MAPKAPK5: variants seen among roughly 807,000 people sequenced by gnomAD.
MAPKAPK5 encodes MAPK activated protein kinase 5.
Under a neutral mutation model 65.1 loss-of-function variants are expected in MAPKAPK5, and 30 were observed. That is an observed-to-expected ratio of 0.46 (90% confidence interval 0.34 to 0.63). MAPKAPK5 has a LOEUF of 0.63. Ranked by LOEUF, MAPKAPK5 falls within the 20% of genes least tolerant of loss-of-function variation. MAPKAPK5 has a pLI of 0.01. For synonymous variants in MAPKAPK5, 179 were observed against 204.6 expected (o/e 0.87, Z 1.07); for missense variants, 433 against 581.4 (o/e 0.74, Z 2.63).
At position 111,842,680 on chromosome 12, in the gene MAPKAPK5, G is replaced by A; in HGVS notation, c.-54G>A. ...CCCTTTGCTCCCTCGGCCGCGCGGG[G>A]ACAGGGCTGCTGAGCAGCCTCCGCC... On this transcript the variant is annotated 5_prime_UTR_variant, in exon 1 of 14. Transcript: ENST00000550735. The A allele has an allele frequency of 2.3e-6, 3 of 1,322,128 alleles. No homozygotes were observed. Among genetic ancestry groups the A allele is most frequent in the Admixed American group, 3.5e-5 (1 of 28,744 alleles). The allele number at this position is 1,322,128 out of a possible 1,614,324, so 81.9% of individuals were successfully genotyped here.
intron 1 of MAPKAPK5, among the ~76,000 whole-genome samples, chr12:111,856,268 GT>G (rs911984074): frequency 9.9e-5 from 15 of 151,590 alleles, no homozygotes; most frequent in South Asian, 4.2e-4. Flanking sequence ...AATTCATTTA[GT>G]TTTTTTTATG....
At position 111,901,357 on chromosome 12, in the gene MAPKAPK5, G is replaced by C. The variant is rs1351693899; in HGVS notation, c.*8296G>C. 2.0e-5 allele frequency: 9 copies of C among 455,984 alleles called. No individual in the cohort carries two copies. Among genetic ancestry groups the C allele is most frequent in the Non-Finnish European group, 3.5e-5 (8 of 226,818 alleles). 28.2% of individuals were successfully genotyped at this position (455,984 alleles called of 1,614,324 possible). ...CCTGACTGTGTTACTGCAGGAAGTG[G>C]AGGTAGTGTGGACAGTGGCCCTCCT... On this transcript the variant is annotated 3_prime_UTR_variant, in exon 14 of 14. Coordinates refer to ENST00000550735, the MANE Select transcript of MAPKAPK5 (RefSeq NM_003668.4).
intron 1 of MAPKAPK5, among the ~76,000 whole-genome samples, chr12:111,859,642 CTTTGCTTTTCTTTTT>C (rs2069362061): frequency 3.5e-5 from 5 of 141,986 alleles, no homozygotes; most frequent in Admixed American, 3.5e-4. Flanking sequence ...CTTTTCTTTT[CTTTGCTTTTCTTTTT>C]TTTTTTTTTG....
intron 13 of MAPKAPK5, among the ~76,000 whole-genome samples, chr12:111,890,718 C>T (rs550729741): frequency 3.9e-5 from 6 of 152,264 alleles, no homozygotes; most frequent in East Asian, 1.9e-4. Flanking sequence ...AGTGCAGTGG[C>T]GCAATCTTTG....
In MAPKAPK5 at chr12:111,900,540, C is replaced by T. The variant is rs752465022; in HGVS notation, c.*7479C>T. On this transcript the variant is annotated 3_prime_UTR_variant, in exon 14 of 14. Coordinates refer to ENST00000550735, the MANE Select transcript of MAPKAPK5 (RefSeq NM_003668.4). Reference sequence around the variant, plus strand: ...AGGGGCCTGCCTATTTAACAAGCCACGGCCCAGGGGCCGCAAGCGTAGGGA... The same window carrying T: ...AGGGGCCTGCCTATTTAACAAGCCATGGCCCAGGGGCCGCAAGCGTAGGGA... 1.8e-5 allele frequency: 8 copies of T among 456,010 alleles called. No individual in the cohort carries two copies. Among genetic ancestry groups the T allele is most frequent in the South Asian group, 4.6e-5 (3 of 64,566 alleles). The allele number at this position is 456,010 out of a possible 1,614,324, so 28.2% of individuals were successfully genotyped here. A position where few individuals can be genotyped will look rare whatever the true frequency, so the allele number is the denominator to read the frequency against.
intron 1 of MAPKAPK5, 192 bp downstream of exon 1, chr12:111,842,961 C>T: frequency 6.8e-6 from 3 of 438,308 alleles, no homozygotes; most frequent in Non-Finnish European, 1.2e-5. Context: ...GGTGTGTGTC[C>T]GACTCCCGCC....
chr12:111,875,926 C>T lies in MAPKAPK5; in HGVS notation c.580-4521C>T, dbSNP rs547257496. Among the ~76,000 whole-genome samples, 5 of 152,122 alleles carry T rather than the reference C, an allele frequency of 3.3e-5. No homozygotes were observed. The South Asian group carries it at 1.0e-3, about 32-fold the overall frequency. On this transcript the variant is annotated intron_variant, in intron 7 of 13. Transcript: ENST00000550735. ...TGATGGGTTCAAAAAAAGTGATGGGCCGGGCGCAGTGGCTTACCCCTGTAA... is the reference window on the plus strand; with the variant it reads ...TGATGGGTTCAAAAAAAGTGATGGGTCGGGCGCAGTGGCTTACCCCTGTAA...
chr12:111,880,520 A>C lies in MAPKAPK5; in HGVS notation c.653A>C (p.Tyr218Ser). 1 of 1,613,716 alleles carries C rather than the reference A, an allele frequency of 6.2e-7. No homozygotes were observed. Among genetic ancestry groups the C allele is most frequent in the Non-Finnish European group, 8.5e-7 (1 of 1,179,674 alleles). ...CCTACCTCACCGACGCCCTACACTT[A>C]CAACAAGGTACAGGAAGAGATATTT... ...IIPTSPTPYTYNKSCDLWSLG... is the reference protein window; with the variant it reads ...IIPTSPTPYTSNKSCDLWSLG... Residue 218 changes from tyrosine to serine, a missense_variant, in exon 8 of 14, where the codon TAC becomes TCC. Tyr to Ser is a moderately radical substitution (Grantham distance 144). This residue lies in a region of MAPKAPK5 where 99 missense variants were observed against 185.8 expected (regional missense o/e 0.53). Coordinates refer to ENST00000550735, the MANE Select transcript of MAPKAPK5 (RefSeq NM_003668.4).
Position 111,897,898 on chromosome 12 carries a change from T to TA in MAPKAPK5, c.*4843dup, listed in dbSNP as rs1013544809. The TA allele has an allele frequency of 2.0e-4, 31 of 151,920 alleles. No individual in the cohort carries two copies. The highest frequency in any genetic ancestry group is 5.9e-4 in the Admixed American group (9 of 15,186). 9.4% of individuals were successfully genotyped at this position (151,920 alleles called of 1,614,324 possible). A position where few individuals can be genotyped will look rare whatever the true frequency, so the allele number is the denominator to read the frequency against. On this transcript the variant is annotated 3_prime_UTR_variant, in exon 14 of 14. Transcript: ENST00000550735. ...TGACTTGCTGTAAAATTATACAAGA[T>TA]AAAAAATGTAGAGTTTTATTTTTCT...
In MAPKAPK5 at chr12:111,898,027, C is replaced by T. The variant is rs1208197027; in HGVS notation, c.*4966C>T. 1 of 151,908 alleles carries T rather than the reference C, an allele frequency of 6.6e-6. No homozygotes were observed. Among genetic ancestry groups the T allele is most frequent in the Non-Finnish European group, 1.5e-5 (1 of 67,990 alleles). 9.4% of individuals were successfully genotyped at this position (151,908 alleles called of 1,614,324 possible). The stretch of plus-strand genomic sequence containing the variant: ...TACACCAAGGAAATTGACATCAAAA[C>T]CAAATTCAAGGACTTCCACAGACAT... On this transcript the variant is annotated 3_prime_UTR_variant, in exon 14 of 14. Transcript: ENST00000550735.
chr12:111,842,733 T>C lies in MAPKAPK5; in HGVS notation c.-1T>C. On this transcript the variant is annotated 5_prime_UTR_variant, in exon 1 of 14. Transcript: ENST00000550735. ...TCCCGGCTGTGGGGGCCCCACTGAG[T>C]ATGTCGGAGGAGAGCGACATGGACA... The C allele has an allele frequency of 7.3e-7, 1 of 1,368,280 alleles. No individual in the cohort carries two copies. The highest frequency in any genetic ancestry group is 9.5e-7 in the Non-Finnish European group (1 of 1,054,836). The allele number at this position is 1,368,280 out of a possible 1,614,324, so 84.8% of individuals were successfully genotyped here.
At position 111,897,840 on chromosome 12, in the gene MAPKAPK5, C is replaced by G. The variant is rs2070873479; in HGVS notation, c.*4779C>G. Reference sequence around the variant, plus strand: ...ATTACATTCCTTTCTGTAGTCGTATCTCATATTTGAAAGGTCTCATGTTGT... The same window carrying G: ...ATTACATTCCTTTCTGTAGTCGTATGTCATATTTGAAAGGTCTCATGTTGT... On this transcript the variant is annotated 3_prime_UTR_variant, in exon 14 of 14. Coordinates refer to ENST00000550735, the MANE Select transcript of MAPKAPK5 (RefSeq NM_003668.4). 1 of 151,722 alleles carries G rather than the reference C, an allele frequency of 6.6e-6. No individual in the cohort carries two copies. Among genetic ancestry groups the G allele is most frequent in the African/African-American group, 2.4e-5 (1 of 41,296 alleles). The allele number at this position is 151,722 out of a possible 1,614,324, so 9.4% of individuals were successfully genotyped here. A position where few individuals can be genotyped will look rare whatever the true frequency, so the allele number is the denominator to read the frequency against.
At chr12:111,873,955 C>T (rs982803198) in intron 7 of MAPKAPK5, among the ~76,000 whole-genome samples, 1 of 152,210 alleles carries the variant, frequency 6.6e-6, no homozygotes, top group Non-Finnish European at 1.5e-5. Flanking sequence ...GTCTCCCAAT[C>T]GATGAACAAG....
rs116733280 is a variant in MAPKAPK5, at chr12:111,897,965, A to G, written c.*4904A>G. On this transcript the variant is annotated 3_prime_UTR_variant, in exon 14 of 14. Coordinates refer to ENST00000550735, the MANE Select transcript of MAPKAPK5 (RefSeq NM_003668.4). ...GAATAACTGCGTAAGGAATGGGTGC[A>G]TAGGGCTTCTTTTCCTTTTAAATTT... The G allele has an allele frequency of 2.6e-3, 396 of 151,870 alleles. 6 individuals are homozygous for G. Among genetic ancestry groups the G allele is most frequent in the African/African-American group, 9.3e-3 (387 of 41,408 alleles). The allele number at this position is 151,870 out of a possible 1,614,324, so 9.4% of individuals were successfully genotyped here.
At chr12:111,867,095 A>C (rs985302829) in intron 3 of MAPKAPK5, among the ~76,000 whole-genome samples, 1 of 151,476 alleles carries the variant, frequency 6.6e-6, no homozygotes, top group Non-Finnish European at 1.5e-5. Context: ...ATGCCTGGCT[A>C]ATTTTGTTTG....
chr12:111,859,488 A>G (rs1188457566), intron 1 of MAPKAPK5, among the ~76,000 whole-genome samples: 3 of 152,006 alleles, frequency 2.0e-5, no homozygotes, highest in Non-Finnish European at 4.4e-5. Flanking sequence ...GCTGGTCTCA[A>G]ACTCTTGACC....
intron 12 of MAPKAPK5, 76 bp downstream of exon 12, chr12:111,889,076 G>A: frequency 6.9e-7 from 1 of 1,452,878 alleles, no homozygotes; most frequent in Non-Finnish European, 9.3e-7. Context: ...GTGTATGCAT[G>A]CACATGGCAA....
Position 111,896,845 on chromosome 12 carries a change from G to C in MAPKAPK5, c.*3784G>C, listed in dbSNP as rs2070840240. 1 of 152,082 alleles carries C rather than the reference G, an allele frequency of 6.6e-6. No individual in the cohort carries two copies. The highest frequency in any genetic ancestry group is 2.1e-4 in the South Asian group (1 of 4,824). 9.4% of individuals were successfully genotyped at this position (152,082 alleles called of 1,614,324 possible). A position where few individuals can be genotyped will look rare whatever the true frequency, so the allele number is the denominator to read the frequency against. ...TGAATTTACTGTTTGAAACATAGAT[G>C]AGGCTCAGCGTGGTGGCTCATGCCT... On this transcript the variant is annotated 3_prime_UTR_variant, in exon 14 of 14. Transcript: ENST00000550735.
Position 111,900,809 on chromosome 12 carries a change from TA to T in MAPKAPK5, c.*7750del, listed in dbSNP as rs772207504. The T allele has an allele frequency of 2.8e-4, 129 of 456,122 alleles. No homozygotes were observed. In the Middle Eastern group the frequency reaches 7.2e-3, roughly 25 times the overall value. The allele number at this position is 456,122 out of a possible 1,614,324, so 28.3% of individuals were successfully genotyped here. On this transcript the variant is annotated 3_prime_UTR_variant, in exon 14 of 14. Transcript: ENST00000550735. ...CTGCATTATGCCCCAACAACAGGCA[TA>T]AGCAAGATGGCTCAAAATGTCATAC...
Sources: allele counts gnomAD v4.1 joint callset (sites outside exome capture counted in the v4.1 genomes callset), GRCh38; gene constraint gnomAD v4.1.1; regional missense constraint gnomAD v4.1.1; transcripts MANE v1.5; gene names NCBI Gene and HGNC (gene_info 2026-07-23, HGNC 2026-07-21).